The following LEPROTL1 variants were observed in gnomAD, a reference collection of about 807,000 sequenced individuals.
LEPROTL1 encodes leptin receptor overlapping transcript like 1.
LEPROTL1 carries 6 observed loss-of-function variants against 15.4 expected under a neutral mutation model. The observed-to-expected ratio is 0.39, with a 90% CI of 0.21 to 0.77. The LOEUF is 0.77. LEPROTL1 is among the 30% of genes least tolerant of loss of function. The pLI is 0.41. For missense variants in LEPROTL1, 128 were observed against 158.1 expected (o/e 0.81, Z 1.02); for synonymous variants, 56 against 52.6 (o/e 1.06, Z -0.28).
At chr8:30,102,043 G>A in intron 2 of LEPROTL1, 70 bp downstream of exon 2, 1 of 927,568 alleles carries the variant, frequency 1.1e-6, no homozygotes, top group Non-Finnish European at 1.7e-6. Context: ...TTAAAAAAAT[G>A]TTTTTTTACT....
At chr8:30,108,536 G>A (rs937085601), downstream of LEPROTL1, 6 of 151,982 alleles carry the variant, frequency 3.9e-5, no homozygotes, top group Admixed American at 2.6e-4. Flanking sequence ...AATATTAGTC[G>A]TGTCCCAAAT....
chr8:30,100,863 G>T (rs566412423), intron 1 of LEPROTL1, among the ~76,000 whole-genome samples: 30 of 152,278 alleles, frequency 2.0e-4, no homozygotes, highest in African/African-American at 7.0e-4. Flanking sequence ...GTGTGTGTGT[G>T]TGTGTCTGTG....
At chr8:30,138,172 T>C (rs1213321721), downstream of LEPROTL1, 1 of 179,792 alleles carries the variant, frequency 5.6e-6, no homozygotes, top group African/African-American at 2.3e-5. Context: ...GGGAAACTGA[T>C]TATGATTACC....
At chr8:30,098,072 G>A (rs1034819822) in intron 1 of LEPROTL1, among the ~76,000 whole-genome samples, 4 of 152,114 alleles carry the variant, frequency 2.6e-5, no homozygotes, top group South Asian at 2.1e-4. Context: ...CCGTGAACAT[G>A]CTTTTTGAGA....
chr8:30,109,868 A>G (rs956173342), downstream of LEPROTL1, among the ~76,000 whole-genome samples: 2 of 151,726 alleles, frequency 1.3e-5, no homozygotes, highest in African/African-American at 4.9e-5. Flanking sequence ...TTAAGAAAAA[A>G]ATAATTTTTA....
At chr8:30,125,103 G>A (rs898576033) in intron 3 of LEPROTL1, among the ~76,000 whole-genome samples, 4 of 152,052 alleles carry the variant, frequency 2.6e-5, no homozygotes, top group Admixed American at 1.3e-4. Flanking sequence ...GAAAACATAC[G>A]TACATAATTA....
chr8:30,132,528 G>C (rs1381444060), intron 4 of LEPROTL1: 2 of 1,551,756 alleles, frequency 1.3e-6, no homozygotes, highest in South Asian at 2.4e-5. Flanking sequence ...ACACGACATA[G>C]ATGCACTCGA....
intron 3 of LEPROTL1, among the ~76,000 whole-genome samples, chr8:30,130,969 G>A (rs1004178466): frequency 6.6e-6 from 1 of 151,582 alleles, no homozygotes; most frequent in South Asian, 2.1e-4. Flanking sequence ...TAGAAGAGAC[G>A]GGGTTTCACC....
chr8:30,120,608 G>A (rs1270957198), intron 3 of LEPROTL1, among the ~76,000 whole-genome samples: 4 of 152,006 alleles, frequency 2.6e-5, no homozygotes, highest in Non-Finnish European at 5.9e-5. Context: ...TCAGTTCACT[G>A]CAACCTTCGC....
At chr8:30,130,782 T>A (rs934480088) in intron 3 of LEPROTL1, among the ~76,000 whole-genome samples, 521 of 14,840 alleles carry the variant, frequency 0.035, 6 homozygotes, top group African/African-American at 0.04. Context: ...CAAAAAAAAA[T>A]TTTTTTTTTT....
chr8:30,102,923 T>C (rs1217677950), intron 2 of LEPROTL1, among the ~76,000 whole-genome samples: 1 of 152,214 alleles, frequency 6.6e-6, no homozygotes, highest in Non-Finnish European at 1.5e-5. Flanking sequence ...GAGATAAGTT[T>C]GCTTGTAGCT....
chr8:30,132,799 C>T (rs145609493), intron 4 of LEPROTL1: 8 of 1,551,750 alleles, frequency 5.2e-6, no homozygotes, highest in Non-Finnish European at 7.0e-6. Flanking sequence ...AGAGCTCCTG[C>T]TCCTGAAGCC....
At position 30,101,929 on chromosome 8, in the gene LEPROTL1, C is replaced by A; in HGVS notation, c.48C>A (p.Ile16=). The stretch of plus-strand genomic sequence containing the variant: ...TTAGTTTGTCCTTTGGAGGAGCAAT[C>A]GGACTGATGTTTTTGATGCTTGGAT... ...ALISLSFGGA[I]GLMFLMLGCA... The change falls in exon 2 of 4, where the codon ATC becomes ATA. Residue 16 remains isoleucine, a synonymous_variant. Transcript: ENST00000321250. 6.2e-7 allele frequency: 1 copy of A among 1,609,356 alleles called. No individual in the cohort carries two copies. Among genetic ancestry groups the A allele is most frequent in the Non-Finnish European group, 8.5e-7 (1 of 1,177,224 alleles).
At chr8:30,098,222 G>A (rs554043060) in intron 1 of LEPROTL1, among the ~76,000 whole-genome samples, 2 of 152,150 alleles carry the variant, frequency 1.3e-5, no homozygotes, top group South Asian at 4.1e-4. Flanking sequence ...GTGTCACAAG[G>A]TATATAGGTA....
chr8:30,131,296 A>ATATG (rs367717206), intron 3 of LEPROTL1, among the ~76,000 whole-genome samples: 149 of 123,908 alleles, frequency 1.2e-3, no homozygotes, highest in African/African-American at 3.8e-3. Flanking sequence ...ATATATATAT[A>ATATG]TGTGTGTGTG....
At chr8:30,104,858 G>C (rs923804487) in intron 3 of LEPROTL1, 2 of 157,268 alleles carry the variant, frequency 1.3e-5, no homozygotes, top group African/African-American at 4.8e-5. Context: ...GACTACAGGT[G>C]CCCGCCACCA....
Position 30,128,470 on chromosome 8 carries a change from G to C in LEPROTL1, c.280-3905G>C, listed in dbSNP as rs547617198. On this transcript the variant is annotated intron_variant, in intron 3 of 4. Transcript: ENST00000442880. Reference sequence around the variant, plus strand: ...AGTAGTCACTTAAAAAAATTACGGGGCTGGACACAGTGGCTCACGGCTATA... The same window carrying C: ...AGTAGTCACTTAAAAAAATTACGGGCCTGGACACAGTGGCTCACGGCTATA... 1.2e-3 allele frequency among the ~76,000 whole-genome samples: 179 copies of C among 152,138 alleles called. 2 individuals are homozygous for C. Among genetic ancestry groups the C allele is most frequent in the Non-Finnish European group, 1.8e-3 (121 of 68,010 alleles).
In LEPROTL1 at chr8:30,106,882, T is replaced by C. The variant is rs1802576830; in HGVS notation, c.*1020T>C. 1 of 982,396 alleles carries C rather than the reference T, an allele frequency of 1.0e-6. No individual in the cohort carries two copies. The highest frequency in any genetic ancestry group is 1.2e-6 in the Non-Finnish European group (1 of 826,870). 60.9% of individuals were successfully genotyped at this position (982,396 alleles called of 1,614,324 possible). A position where few individuals can be genotyped will look rare whatever the true frequency, so the allele number is the denominator to read the frequency against. ...ATTACATAAAATAACTTTTCAAATATAGTTTAATAACACTTAGAAGTGTTT... is the reference window on the plus strand; with the variant it reads ...ATTACATAAAATAACTTTTCAAATACAGTTTAATAACACTTAGAAGTGTTT... On this transcript the variant is annotated 3_prime_UTR_variant, in exon 4 of 4. Coordinates refer to ENST00000321250, the MANE Select transcript of LEPROTL1 (RefSeq NM_015344.3).
At chr8:30,123,646 C>T (rs1461764661) in intron 3 of LEPROTL1, among the ~76,000 whole-genome samples, 1 of 152,162 alleles carries the variant, frequency 6.6e-6, no homozygotes, top group Non-Finnish European at 1.5e-5. Context: ...ATACAAACCT[C>T]AAGTATGAAG....
Sources: allele counts gnomAD v4.1 joint callset (sites outside exome capture counted in the v4.1 genomes callset), GRCh38; gene constraint gnomAD v4.1.1; transcripts MANE v1.5; gene names NCBI Gene and HGNC (gene_info 2026-07-23, HGNC 2026-07-21).